Variants in CSMD2 observed in about 807,000 individuals in gnomAD.
CSMD2 encodes the protein CUB and Sushi multiple domains 2, also known as CUB and sushi domain-containing protein 2.
CSMD2 carries 130 observed loss-of-function variants against 398.5 expected under a neutral mutation model. The ratio of observed to expected loss-of-function variants is 0.33; its 90% CI spans 0.28 to 0.38. The LOEUF is 0.38. Ranked by LOEUF, CSMD2 falls within the 10% of genes least tolerant of loss-of-function variation. The pLI, the probability that CSMD2 is intolerant of heterozygous loss-of-function variation, is 1.00. For synonymous variants in CSMD2, 1,828 were observed against 1,908.5 expected, an observed-to-expected ratio of 0.96 and a Z score of 1.10; for missense variants, 3,829 against 4,764.9, an observed-to-expected ratio of 0.80 and a Z score of 5.78.
chr1:33,706,917 A>G (rs1645806119), intron 22 of CSMD2, among the ~76,000 whole-genome samples: 1 of 151,986 alleles, frequency 6.6e-6, no homozygotes, highest in Non-Finnish European at 1.5e-5. Flanking sequence ...ATGTGTGTGC[A>G]CTACCTGGGC....
intron 6 of CSMD2, among the ~76,000 whole-genome samples, chr1:33,844,603 C>A (rs573729000): frequency 6.6e-6 from 1 of 152,294 alleles, no homozygotes; most frequent in East Asian, 1.9e-4. Flanking sequence ...ATTGAGCATG[C>A]CAGACCCAAA....
intron 64 of CSMD2, among the ~76,000 whole-genome samples, chr1:33,530,611 A>G (rs1655149391): frequency 6.6e-6 from 1 of 152,208 alleles, no homozygotes; most frequent in African/African-American, 2.4e-5. Flanking sequence ...CAAAGGAAAC[A>G]AAATCAGTAA....
chr1:33,568,267 A>C (rs943290928), intron 52 of CSMD2, among the ~76,000 whole-genome samples: 1 of 149,200 alleles, frequency 6.7e-6, no homozygotes, highest in Non-Finnish European at 1.5e-5. Context: ...GGCTCACTGC[A>C]ATGTCCACCT....
chr1:33,687,999 C>T (rs546080324), intron 25 of CSMD2, among the ~76,000 whole-genome samples: 1 of 152,284 alleles, frequency 6.6e-6, no homozygotes, highest in Admixed American at 6.5e-5. Context: ...GGTAGCAGGC[C>T]TTCCCATAGA....
chr1:34,143,276 AG>A (rs1558455553), intron 1 of CSMD2, among the ~76,000 whole-genome samples: 1 of 152,090 alleles, frequency 6.6e-6, no homozygotes. Context: ...GCAGCCTCCC[AG>A]GCCATTAACA....
chr1:33,822,061 G>T (rs964587322), intron 7 of CSMD2, among the ~76,000 whole-genome samples: 3 of 152,140 alleles, frequency 2.0e-5, no homozygotes, highest in Non-Finnish European at 2.9e-5. Context: ...GAAAATGATG[G>T]GGAGCCGCTG....
chr1:34,072,586 G>T (rs1420036892), intron 2 of CSMD2, among the ~76,000 whole-genome samples: 1 of 152,196 alleles, frequency 6.6e-6, no homozygotes, highest in Non-Finnish European at 1.5e-5. Context: ...GAGAAGTGAT[G>T]CAGGCAGCAC....
chr1:34,062,767 A>G (rs903834407), intron 2 of CSMD2, among the ~76,000 whole-genome samples: 22 of 152,210 alleles, frequency 1.4e-4, no homozygotes, highest in Non-Finnish European at 2.9e-4. Flanking sequence ...CTCTGATGCC[A>G]CAACTGACAG....
At chr1:33,919,751 T>G (rs756489858) in intron 4 of CSMD2, among the ~76,000 whole-genome samples, 1 of 152,204 alleles carries the variant, frequency 6.6e-6, no homozygotes, top group Non-Finnish European at 1.5e-5. Context: ...ATGGGGATGC[T>G]CAAGGCGCAG....
chr1:33,958,943 C>T (rs1443857979), intron 3 of CSMD2, among the ~76,000 whole-genome samples: 1 of 152,152 alleles, frequency 6.6e-6, no homozygotes, highest in African/African-American at 2.4e-5. Flanking sequence ...ATATGATACC[C>T]CTCTGCCCAC....
intron 6 of CSMD2, among the ~76,000 whole-genome samples, chr1:33,832,050 C>A (rs1017276826): frequency 1.3e-5 from 2 of 150,276 alleles, no homozygotes; most frequent in African/African-American, 4.9e-5. Context: ...TAGACTCCCA[C>A]ACAATAATAA....
In CSMD2 at chr1:33,784,424, C is replaced by T. The variant is rs150908188; in HGVS notation, c.1663+4176G>A. Among the ~76,000 whole-genome samples, 690 of 152,222 alleles carry T rather than the reference C, an allele frequency of 4.5e-3. 8 individuals are homozygous for T. Among genetic ancestry groups the T allele is most frequent in the African/African-American group, 0.016 (666 of 41,552 alleles). Reference sequence around the variant, plus strand: ...TGTGAGAATGATGGGCTTTGCCCCTCATATAAAAAGTCAAAGGTGGAAGGG... The same window carrying T: ...TGTGAGAATGATGGGCTTTGCCCCTTATATAAAAAGTCAAAGGTGGAAGGG... On this transcript the variant is annotated intron_variant, in intron 12 of 70. Coordinates refer to ENST00000373381, the MANE Select transcript of CSMD2 (RefSeq NM_001281956.2).
chr1:34,019,935 C>T (rs537340141), intron 3 of CSMD2, among the ~76,000 whole-genome samples: 11 of 152,122 alleles, frequency 7.2e-5, no homozygotes, highest in African/African-American at 2.7e-4. Flanking sequence ...TACTGAGTAC[C>T]TAACATGTGA....
chr1:33,723,347 T>C (rs1279741024), intron 19 of CSMD2, among the ~76,000 whole-genome samples: 1 of 152,210 alleles, frequency 6.6e-6, no homozygotes, highest in East Asian at 1.9e-4. Context: ...ACCTCTAGCC[T>C]TGGGCCTAAG....
At chr1:33,655,542 C>T (rs1643922058) in intron 27 of CSMD2, among the ~76,000 whole-genome samples, 1 of 152,212 alleles carries the variant, frequency 6.6e-6, no homozygotes, top group Admixed American at 6.5e-5. Context: ...TGAAGGCAGA[C>T]CTGAGCCAGG....
At position 33,767,800 on chromosome 1, in the gene CSMD2, G is replaced by A. The variant is rs181426146; in HGVS notation, c.1846+4769C>T. ...CTTTGTTGCTTCATACAGGTAACTC[G>A]GCCAGCAGTTTGCTTCTATACTCTG... On this transcript the variant is annotated intron_variant, in intron 13 of 70. Coordinates refer to ENST00000373381, the MANE Select transcript of CSMD2 (RefSeq NM_001281956.2). Among the ~76,000 whole-genome samples, 447 of 152,194 alleles carry A rather than the reference G, an allele frequency of 2.9e-3. 3 individuals are homozygous for A. The highest frequency in any genetic ancestry group is 9.2e-3 in the African/African-American group (381 of 41,522).
intron 3 of CSMD2, among the ~76,000 whole-genome samples, chr1:34,013,286 A>G (rs1647618857): frequency 6.6e-6 from 1 of 152,222 alleles, no homozygotes; most frequent in Non-Finnish European, 1.5e-5. Context: ...GCTCTGTGCC[A>G]TGGGCGAGCC....
At chr1:33,763,663 C>A (rs904728585) in intron 13 of CSMD2, among the ~76,000 whole-genome samples, 4 of 152,174 alleles carry the variant, frequency 2.6e-5, no homozygotes, top group African/African-American at 9.7e-5. Context: ...CTTCAGTCTG[C>A]CTGATTTCAC....
At chr1:33,645,885 G>A (rs577836840) in intron 29 of CSMD2, among the ~76,000 whole-genome samples, 1 of 152,322 alleles carries the variant, frequency 6.6e-6, no homozygotes, top group African/African-American at 2.4e-5. Flanking sequence ...AACTGGGCAG[G>A]GACAGCCTGT....
Sources: allele counts gnomAD v4.1 joint callset (sites outside exome capture counted in the v4.1 genomes callset), GRCh38; gene constraint gnomAD v4.1.1; transcripts MANE v1.5; gene names NCBI Gene and HGNC (gene_info 2026-07-23, HGNC 2026-07-21).